Variants in RNPC3 observed in about 807,000 individuals in gnomAD.
The protein encoded by RNPC3 is RNA-binding region-containing protein 3.
Under a neutral mutation model 67.5 loss-of-function variants are expected in RNPC3, and 48 were observed. The ratio of observed to expected loss-of-function variants is 0.71; its 90% CI spans 0.56 to 0.90. The LOEUF (loss-of-function observed/expected upper bound fraction) is 0.90. RNPC3 is among the 40% of genes least tolerant of loss of function. The pLI, the probability that RNPC3 is intolerant of heterozygous loss-of-function variation, is 0.00. For synonymous variants in RNPC3, 239 were observed against 210.3 expected, an observed-to-expected ratio of 1.14 and a Z score of -1.18; for missense variants, 637 against 626.1, an observed-to-expected ratio of 1.02 and a Z score of -0.19.
In RNPC3 at chr1:103,533,871, T is replaced by A; in HGVS notation, c.359+14T>A. 1 of 1,253,626 alleles carries A rather than the reference T, an allele frequency of 8.0e-7. No individual in the cohort carries two copies. Among genetic ancestry groups the A allele is most frequent in the Non-Finnish European group, 1.1e-6 (1 of 892,326 alleles). 77.7% of individuals were successfully genotyped at this position (1,253,626 alleles called of 1,614,324 possible). On this transcript the variant is annotated intron_variant, in intron 3 of 14. Transcript: ENST00000423855. ...AAAAAAAAAAAGGTATGTAGATCAG[T>A]AAATCATACATTTTTGTTACATTTT...
chr1:103,540,754 T>G (rs1256321420), intron 7 of RNPC3, among the ~76,000 whole-genome samples: 1 of 152,280 alleles, frequency 6.6e-6, no homozygotes, highest in African/African-American at 2.4e-5. Flanking sequence ...CTAGACAAGA[T>G]CTATCTTTAA....
Position 103,536,142 on chromosome 1 carries a change from A to G in RNPC3, c.572A>G (p.Asn191Ser). The change falls in exon 6 of 15, where the codon AAT (asparagine) becomes AGT (serine). Residue 191 changes from asparagine (N) to serine (S), a missense_variant. By Grantham distance (46) the Asn-to-Ser change is conservative. Transcript: ENST00000423855. ...CACTTTAAGGTCCTTCATCTTATGA[A>G]TAAAATGAATTTGCCCACACCTTTT... Reference protein sequence around the residue: ...KFYVQVLHLMNKMNLPTPFGP... With the variant: ...KFYVQVLHLMSKMNLPTPFGP... The G allele has an allele frequency of 3.9e-6, 6 of 1,535,694 alleles. No homozygotes were observed. Among genetic ancestry groups the G allele is most frequent in the South Asian group, 1.2e-5 (1 of 84,014 alleles).
intron 13 of RNPC3, 198 bp downstream of exon 13, chr1:103,551,271 G>A: frequency 1.9e-6 from 1 of 516,730 alleles, no homozygotes; most frequent in Non-Finnish European, 3.4e-6. Flanking sequence ...TCAGCAGCAT[G>A]AGGTTGTTCA....
At chr1:103,526,353 T>A in intron 1 of RNPC3, 91 bp downstream of exon 1, 2 of 1,056,706 alleles carry the variant, frequency 1.9e-6, no homozygotes, top group South Asian at 1.7e-5. Context: ...TGGAAACGAG[T>A]GGGGAAGATG....
chr1:103,530,419 C>A (rs1317926669), intron 2 of RNPC3, among the ~76,000 whole-genome samples: 2 of 151,998 alleles, frequency 1.3e-5, no homozygotes, highest in Non-Finnish European at 2.9e-5. Flanking sequence ...GGAGAAGTAC[C>A]TTTGAATTAG....
At position 103,533,812 on chromosome 1, in the gene RNPC3, G is replaced by A. The variant is rs1274531680; in HGVS notation, c.314G>A (p.Arg105Gln). ...LVVEFAKEQD[R>Q]VHSPCPTSGS... ...GTTGAATTTGCAAAAGAGCAAGATC[G>A]AGTTCACTCCCCATGTCCCACTTCA... is the stretch of plus-strand genomic sequence containing the variant. Residue 105 changes from arginine (R) to glutamine (Q), a missense_variant, in exon 3 of 15, where the codon CGA becomes CAA. Arg to Gln is a conservative substitution (Grantham distance 43, BLOSUM62 1). This residue lies in a region of RNPC3 where 536 missense variants were observed against 500.3 expected (regional missense o/e 1.07). Transcript: ENST00000423855. 4 of 1,532,680 alleles carry A rather than the reference G, an allele frequency of 2.6e-6. No homozygotes were observed. The highest frequency in any genetic ancestry group is 2.0e-5 in the Admixed American group (1 of 50,770). The allele number at this position is 1,532,680 out of a possible 1,614,324, so 94.9% of individuals were successfully genotyped here.
At chr1:103,533,070 A>G (rs1650898534) in intron 2 of RNPC3, among the ~76,000 whole-genome samples, 2 of 152,116 alleles carry the variant, frequency 1.3e-5, no homozygotes, top group Non-Finnish European at 2.9e-5. Flanking sequence ...CTCACCACAC[A>G]CAATTCCAGA....
In RNPC3 at chr1:103,544,965, C is replaced by T. The variant is rs1020751040; in HGVS notation, c.1070C>T (p.Ala357Val). Residue 357 changes from alanine (A) to valine (V), a missense_variant, in exon 10 of 15, where the codon GCA (alanine) becomes GTA (valine). By Grantham distance (64) the Ala-to-Val change is moderately conservative (BLOSUM62 0). This residue lies in a region of RNPC3 where 536 missense variants were observed against 500.3 expected (regional missense o/e 1.07). Transcript: ENST00000423855. ...NHDLPATEVD[A>V]SNIGFGKIFP... ...GATTTACCTGCTACTGAAGTTGATG[C>T]ATCCAATATAGGATTTGGAAAAATC... 3.7e-5 allele frequency: 57 copies of T among 1,526,796 alleles called. No individual in the cohort carries two copies. The African/African-American group carries it at 7.7e-4, about 21-fold the overall frequency. 94.6% of individuals were successfully genotyped at this position (1,526,796 alleles called of 1,614,324 possible).
At position 103,533,774 on chromosome 1, in the gene RNPC3, T is replaced by C. The variant is rs1198034797; in HGVS notation, c.276T>C (p.Gly92=). 1 of 1,534,494 alleles carries C rather than the reference T, an allele frequency of 6.5e-7. No individual in the cohort carries two copies. The highest frequency in any genetic ancestry group is 8.7e-7 in the Non-Finnish European group (1 of 1,145,046). ...LTRLHQLKLL[G]HTLVVEFAKE... is the part of the protein sequence containing the mutation. ...GACTCCATCAACTGAAACTTTTAGG[T>C]CATACTTTAGTCGTTGAATTTGCAA... Residue 92 remains glycine (G), a synonymous_variant, in exon 3 of 15, where the codon GGT becomes GGC. Transcript: ENST00000423855.
At chr1:103,544,805 T>C in intron 9 of RNPC3, 136 bp from the exon 10 acceptor site, 2 of 512,142 alleles carry the variant, frequency 3.9e-6, no homozygotes, top group Admixed American at 4.1e-5. Context: ...TGTATGCCTC[T>C]TTTAGTATAT....
At chr1:103,548,912 A>AT (rs757528535) in intron 12 of RNPC3, among the ~76,000 whole-genome samples, 2 of 152,178 alleles carry the variant, frequency 1.3e-5, no homozygotes, top group African/African-American at 4.8e-5. Flanking sequence ...AGCAAGTCAC[A>AT]TTTTATATGG....
Position 103,543,307 on chromosome 1 carries a change from C to A in RNPC3, c.905C>A (p.Pro302Gln). Residue 302 changes from proline (P) to glutamine (Q), a missense_variant, in exon 9 of 15, where the codon CCA becomes CAA. Coordinates refer to ENST00000423855, the MANE Select transcript of RNPC3 (RefSeq NM_017619.4). ...TTGTTTTTAAATAGCAGTTTACATC[C>A]AGTGCTGTTACCTTCAGATGTATTT... Reference protein sequence around the residue: ...PLCPSHSSLHPVLLPSDVFDQ... With the variant: ...PLCPSHSSLHQVLLPSDVFDQ... 6.9e-7 allele frequency: 1 copy of A among 1,446,036 alleles called. No individual in the cohort carries two copies. Among genetic ancestry groups the A allele is most frequent in the Non-Finnish European group, 9.0e-7 (1 of 1,106,618 alleles). 89.6% of individuals were successfully genotyped at this position (1,446,036 alleles called of 1,614,324 possible).
chr1:103,549,933 C>CGGG (rs371551935), intron 12 of RNPC3, among the ~76,000 whole-genome samples: 1 of 151,724 alleles, frequency 6.6e-6, no homozygotes, highest in African/African-American at 2.4e-5. Context: ...GAGGCCGAAG[C>CGGG]GGGGGGGATC....
In RNPC3 at chr1:103,525,736, C is replaced by T. The variant is rs940181230; in HGVS notation, c.-335C>T. The T allele has an allele frequency of 3.4e-5, 6 of 178,636 alleles. No homozygotes were observed. The highest frequency in any genetic ancestry group is 1.2e-4 in the African/African-American group (5 of 42,142). 11.1% of individuals were successfully genotyped at this position (178,636 alleles called of 1,614,324 possible). On this transcript the variant is annotated 5_prime_UTR_variant, in exon 1 of 15. Coordinates refer to ENST00000423855, the MANE Select transcript of RNPC3 (RefSeq NM_017619.4). ...CCTCTTGTCCTTGAGCGTCAACCTT[C>T]TTTCCCTGAAGTGGCTGGGGTTCCT...
chr1:103,555,004 T>C (rs908593678), intron 14 of RNPC3, 30 bp from the exon 15 acceptor site: 4 of 152,300 alleles, frequency 2.6e-5, no homozygotes, highest in South Asian at 2.1e-4. Flanking sequence ...TTATACTTCC[T>C]ATTTTTAATG....
chr1:103,528,555 AT>A (rs1451651602), intron 2 of RNPC3, among the ~76,000 whole-genome samples: 3 of 152,146 alleles, frequency 2.0e-5, no homozygotes, highest in Non-Finnish European at 4.4e-5. Context: ...TAGATTGAGG[AT>A]TGAGTTATTT....
intron 12 of RNPC3, among the ~76,000 whole-genome samples, chr1:103,550,036 C>T (rs575407320): frequency 2.0e-5 from 3 of 151,796 alleles, no homozygotes; most frequent in East Asian, 2.0e-4. Flanking sequence ...TGGCGGTAGA[C>T]GGCTGTAATC....
rs925079563 is a variant in RNPC3 at position 103,551,263 on chromosome 1, A to C, written c.1494+190A>C. 1.7e-5 allele frequency: 9 copies of C among 542,520 alleles called. No individual in the cohort carries two copies. In the African/African-American group the frequency reaches 1.7e-4, roughly 11 times the overall value. 33.6% of individuals were successfully genotyped at this position (542,520 alleles called of 1,614,324 possible). On this transcript the variant is annotated intron_variant, in intron 13 of 14. Coordinates refer to ENST00000423855, the MANE Select transcript of RNPC3 (RefSeq NM_017619.4). ...TTTAGATTTTTAATAAAAGAGCTTCAGCAGCATGAGGTTGTTCAATTTCAG... is the reference window on the plus strand; with the variant it reads ...TTTAGATTTTTAATAAAAGAGCTTCCGCAGCATGAGGTTGTTCAATTTCAG...
chr1:103,544,865 A>G (rs1651206533), intron 9 of RNPC3, 76 bp from the exon 10 acceptor site: 4 of 843,410 alleles, frequency 4.7e-6, no homozygotes, highest in Admixed American at 3.2e-5. Flanking sequence ...ATTGAATATA[A>G]AATAGGAGGT....
Sources: allele counts gnomAD v4.1 joint callset (sites outside exome capture counted in the v4.1 genomes callset), GRCh38; gene constraint gnomAD v4.1.1; regional missense constraint gnomAD v4.1.1; transcripts MANE v1.5; gene names NCBI Gene and HGNC (gene_info 2026-07-23, HGNC 2026-07-21).